Variants in DOK6 observed in about 807,000 individuals in gnomAD.
DOK6 encodes the protein docking protein 6.
A neutral mutation model predicts 44.0 loss-of-function variants in DOK6; 22 were observed. The ratio of observed to expected loss-of-function variants is 0.50; its 90% CI spans 0.36 to 0.71. DOK6 has a LOEUF of 0.71. Ranked by LOEUF, DOK6 falls within the 30% of genes least tolerant of loss-of-function variation. DOK6 has a pLI of 0.00. For synonymous variants in DOK6, 166 were observed against 145.5 expected (o/e 1.14, Z -1.01); for missense variants, 340 against 416.4 (o/e 0.82, Z 1.60).
chr18:69,583,752 CA>C (rs36222332), intron 2 of DOK6, among the ~76,000 whole-genome samples: 5 of 143,778 alleles, frequency 3.5e-5, no homozygotes, highest in African/African-American at 1.3e-4. Context: ...TCCATCCATA[CA>C]AAAAAAAAAA....
intron 1 of DOK6, among the ~76,000 whole-genome samples, chr18:69,478,860 T>C (rs2144528578): frequency 6.6e-6 from 1 of 152,296 alleles, no homozygotes; most frequent in East Asian, 1.9e-4. Flanking sequence ...TGTACCAGGA[T>C]CCAATTTATG....
At position 69,740,598 on chromosome 18, in the gene DOK6, C is replaced by A. The variant is rs1320555881; in HGVS notation, c.738+1495C>A. Among the ~76,000 whole-genome samples the A allele has an allele frequency of 7.6e-4, 116 of 152,164 alleles. 2 individuals are homozygous for A. Among genetic ancestry groups the A allele is most frequent in the Non-Finnish European group, 1.5e-5 (1 of 68,032 alleles). ...TAATTATCTGCCATAAAGAAGAGTA[C>A]CCCGTTGGTGCTCTGGGCTTGCATC... is the stretch of plus-strand genomic sequence containing the variant. On this transcript the variant is annotated intron_variant, in intron 6 of 7. Transcript: ENST00000382713.
At chr18:69,510,645 G>T (rs767093356) in intron 1 of DOK6, among the ~76,000 whole-genome samples, 1 of 152,126 alleles carries the variant, frequency 6.6e-6, no homozygotes, top group Admixed American at 6.5e-5. Context: ...AAAGTACAAA[G>T]CATGAGCAAT....
Position 69,713,352 on chromosome 18 carries a change from C to T in DOK6, c.599+14759C>T, listed in dbSNP as rs58894837. On this transcript the variant is annotated intron_variant, in intron 5 of 7. Transcript: ENST00000382713. ...TATGTTTATTTCTGTCATCATTATA[C>T]CAAAATAGCATTAAAGAACTAATAC... is the stretch of plus-strand genomic sequence containing the variant. 4.8e-3 allele frequency among the ~76,000 whole-genome samples: 737 copies of T among 152,242 alleles called. 4 individuals carry two copies. Among genetic ancestry groups the T allele is most frequent in the African/African-American group, 0.016 (677 of 41,550 alleles).
intron 7 of DOK6, among the ~76,000 whole-genome samples, chr18:69,811,169 G>A (rs533795156): frequency 2.0e-5 from 3 of 151,974 alleles, no homozygotes; most frequent in African/African-American, 7.2e-5. Context: ...GGATGAACCT[G>A]GACAATATTA....
chr18:69,518,465 G>T (rs939694262), intron 1 of DOK6, among the ~76,000 whole-genome samples: 1 of 151,824 alleles, frequency 6.6e-6, no homozygotes, highest in East Asian at 1.9e-4. Flanking sequence ...GAAATACCTT[G>T]GTTACTTACA....
intron 1 of DOK6, among the ~76,000 whole-genome samples, chr18:69,460,945 G>A (rs930834137): frequency 5.9e-5 from 9 of 152,086 alleles, no homozygotes; most frequent in African/African-American, 1.4e-4. Flanking sequence ...GTGTGTGCAC[G>A]TGCAAAATAA....
At chr18:69,438,768 C>T (rs953835844) in intron 1 of DOK6, among the ~76,000 whole-genome samples, 5 of 152,126 alleles carry the variant, frequency 3.3e-5, no homozygotes, top group African/African-American at 9.7e-5. Context: ...GTTGTGTTAG[C>T]AGGCATAAAA....
At chr18:69,505,648 C>T (rs1380960729) in intron 1 of DOK6, among the ~76,000 whole-genome samples, 1 of 151,788 alleles carries the variant, frequency 6.6e-6, no homozygotes, top group Admixed American at 6.6e-5. Context: ...CAGGCGCCCA[C>T]CACCACGCCA....
At chr18:69,480,444 A>G (rs1980386283) in intron 1 of DOK6, among the ~76,000 whole-genome samples, 2 of 152,178 alleles carry the variant, frequency 1.3e-5, no homozygotes, top group African/African-American at 4.8e-5. Flanking sequence ...AAATTAATCT[A>G]TAGAAATGAG....
intron 6 of DOK6, 48 bp from the exon 7 acceptor site, chr18:69,757,708 G>C: frequency 6.7e-7 from 1 of 1,500,904 alleles, no homozygotes; most frequent in Non-Finnish European, 9.3e-7. Flanking sequence ...GCAGATTTCA[G>C]TTTAATATTT....
chr18:69,818,328 G>T (rs1981462307), intron 7 of DOK6, among the ~76,000 whole-genome samples: 1 of 152,170 alleles, frequency 6.6e-6, no homozygotes, highest in African/African-American at 2.4e-5. Flanking sequence ...GTTCTCCGTG[G>T]ACACCCCTGT....
intron 3 of DOK6, among the ~76,000 whole-genome samples, chr18:69,655,970 G>C (rs539825222): frequency 6.6e-6 from 1 of 151,952 alleles, no homozygotes; most frequent in African/African-American, 2.4e-5. Context: ...AAGTCAAAAT[G>C]GTAATTGCTG....
chr18:69,455,816 A>C (rs1979618705), intron 1 of DOK6, among the ~76,000 whole-genome samples: 1 of 152,190 alleles, frequency 6.6e-6, no homozygotes, highest in African/African-American at 2.4e-5. Context: ...ATTTATATTC[A>C]AAAAGCTAAA....
intron 5 of DOK6, among the ~76,000 whole-genome samples, chr18:69,703,482 A>G (rs1042810429): frequency 1.3e-5 from 2 of 152,210 alleles, no homozygotes; most frequent in African/African-American, 4.8e-5. Context: ...TTGTAATAAA[A>G]TACATCCCAG....
chr18:69,477,347 G>A (rs951182843), intron 1 of DOK6, among the ~76,000 whole-genome samples: 2 of 152,126 alleles, frequency 1.3e-5, no homozygotes, highest in Non-Finnish European at 2.9e-5. Flanking sequence ...GTGTACCTGG[G>A]AGCAAGTAGT....
intron 1 of DOK6, among the ~76,000 whole-genome samples, chr18:69,523,721 GT>G (rs1679642252): frequency 6.7e-6 from 1 of 150,064 alleles, no homozygotes; most frequent in South Asian, 2.1e-4. Context: ...TGTTTATGTT[GT>G]GTTTTTGTAA....
At chr18:69,571,424 C>T (rs1983112569) in intron 2 of DOK6, among the ~76,000 whole-genome samples, 1 of 151,768 alleles carries the variant, frequency 6.6e-6, no homozygotes, top group Non-Finnish European at 1.5e-5. Flanking sequence ...AGTAAACATT[C>T]CAATTAAAAA....
At chr18:69,423,538 T>C (rs1007451358) in intron 1 of DOK6, among the ~76,000 whole-genome samples, 7 of 152,198 alleles carry the variant, frequency 4.6e-5, no homozygotes, top group Non-Finnish European at 8.8e-5. Context: ...CAAACCATGC[T>C]TCAACAAACA....
Sources: allele counts gnomAD v4.1 joint callset (sites outside exome capture counted in the v4.1 genomes callset), GRCh38; gene constraint gnomAD v4.1.1; transcripts MANE v1.5; gene names NCBI Gene and HGNC (gene_info 2026-07-23, HGNC 2026-07-21).